The following VEPH1 variants were observed in gnomAD, a reference collection of about 807,000 sequenced individuals.
VEPH1 encodes ventricular zone-expressed PH domain-containing protein homolog 1.
A neutral mutation model predicts 85.2 loss-of-function variants in VEPH1; 80 were observed. The observed-to-expected ratio is 0.94, with a 90% CI of 0.78 to 1.13. VEPH1 has a LOEUF of 1.13. VEPH1 is among the 50% of genes most tolerant of loss of function. The pLI is 0.00. For synonymous variants in VEPH1, 297 were observed against 348.0 expected (o/e 0.85, Z 1.63); for missense variants, 955 against 980.5 (o/e 0.97, Z 0.35).
At chr3:157,347,907 C>T (rs186735592) in intron 9 of VEPH1, among the ~76,000 whole-genome samples, 4 of 152,358 alleles carry the variant, frequency 2.6e-5, no homozygotes, top group African/African-American at 9.6e-5. Context: ...CCGCTACCCA[C>T]CCTCTGTGAG....
At chr3:157,405,170 A>G (rs1731057183) in intron 6 of VEPH1, among the ~76,000 whole-genome samples, 1 of 152,148 alleles carries the variant, frequency 6.6e-6, no homozygotes, top group African/African-American at 2.4e-5. Context: ...ATGTGCAGCC[A>G]TGTTATGGGA....
intron 2 of VEPH1, among the ~76,000 whole-genome samples, chr3:157,471,071 T>C (rs1048403559): frequency 6.6e-6 from 1 of 152,180 alleles, no homozygotes; most frequent in African/African-American, 2.4e-5. Flanking sequence ...AAATACCTGA[T>C]CATCTTTACT....
chr3:157,267,448 G>A lies in VEPH1; in HGVS notation c.2129-1786C>T, dbSNP rs977859795. Among the ~76,000 whole-genome samples, 4 of 150,998 alleles carry A rather than the reference G, an allele frequency of 2.6e-5. No individual in the cohort carries two copies. The East Asian group carries it at 5.8e-4, about 22-fold the overall frequency. ...TACTATTAAGGCTATTTTTTTTTCC[G>A]GATGACTATTCAATTGGCTGTTCCA... On this transcript the variant is annotated intron_variant, in intron 12 of 13. Transcript: ENST00000362010.
intron 6 of VEPH1, among the ~76,000 whole-genome samples, chr3:157,403,635 T>C (rs1374848941): frequency 6.6e-6 from 1 of 152,158 alleles, no homozygotes; most frequent in Non-Finnish European, 1.5e-5. Flanking sequence ...AGCAGGTGTG[T>C]GATAAATATT....
Position 157,261,084 on chromosome 3 carries a change from G to T in VEPH1, c.*50C>A. The T allele has an allele frequency of 6.2e-7, 1 of 1,601,088 alleles. No homozygotes were observed. The highest frequency in any genetic ancestry group is 1.1e-5 in the South Asian group (1 of 89,368). On this transcript the variant is annotated 3_prime_UTR_variant, in exon 14 of 14. Coordinates refer to ENST00000362010, the MANE Select transcript of VEPH1 (RefSeq NM_001167912.2). The stretch of plus-strand genomic sequence containing the variant: ...AGCTCTTTTTCTTGACATTGGCAAT[G>T]ATAATACAATGCCTGTGGTGTATAA...
At chr3:157,460,064 G>T (rs1433231071) in intron 4 of VEPH1, 117 bp downstream of exon 4, 4 of 1,603,470 alleles carry the variant, frequency 2.5e-6, no homozygotes, top group South Asian at 1.1e-5. Context: ...GCAAAACAGA[G>T]AAATTAATTT....
chr3:157,422,759 A>G (rs1485615344), intron 5 of VEPH1, among the ~76,000 whole-genome samples: 4 of 152,068 alleles, frequency 2.6e-5, no homozygotes, highest in African/African-American at 9.7e-5. Context: ...TTCCTCTCAC[A>G]TCTTCAATCC....
chr3:157,476,706 C>G (rs1424964612), intron 2 of VEPH1, among the ~76,000 whole-genome samples: 1 of 152,192 alleles, frequency 6.6e-6, no homozygotes, highest in Non-Finnish European at 1.5e-5. Flanking sequence ...CCCAACAGCC[C>G]AGTCACCTCA....
intron 2 of VEPH1, among the ~76,000 whole-genome samples, chr3:157,473,754 A>G (rs1318738715): frequency 6.6e-6 from 1 of 152,148 alleles, no homozygotes; most frequent in Non-Finnish European, 1.5e-5. Context: ...TTTTTGGGTG[A>G]GAGATTTTAT....
intron 2 of VEPH1, among the ~76,000 whole-genome samples, chr3:157,483,692 T>A (rs974881742): frequency 6.6e-6 from 1 of 152,038 alleles, no homozygotes; most frequent in Non-Finnish European, 1.5e-5. Context: ...ATATAATATC[T>A]CACATAGAGA....
At chr3:157,406,993 C>CA (rs111501334) in intron 6 of VEPH1, among the ~76,000 whole-genome samples, 3,049 of 120,642 alleles carry the variant, frequency 0.025, 55 homozygotes, top group East Asian at 0.06. Flanking sequence ...GTTGGCCTCC[C>CA]AAAAAAAAAA....
chr3:157,346,047 A>G, intron 9 of VEPH1, among the ~76,000 whole-genome samples: 1 of 141,548 alleles, frequency 7.1e-6, no homozygotes. Flanking sequence ...GGGAGGGGGG[A>G]GGGATAGCAT....
At chr3:157,269,720 T>C (rs551842043) in intron 12 of VEPH1, among the ~76,000 whole-genome samples, 2 of 144,204 alleles carry the variant, frequency 1.4e-5, no homozygotes, top group Non-Finnish European at 3.0e-5. Flanking sequence ...CTATTGCCCA[T>C]AGTACGTCCT....
intron 9 of VEPH1, among the ~76,000 whole-genome samples, chr3:157,318,613 A>G (rs1346861368): frequency 8.7e-6 from 1 of 114,816 alleles, no homozygotes; most frequent in African/African-American, 3.3e-5. Flanking sequence ...TCCCAAAAAA[A>G]CAAAACAAAA....
At chr3:157,399,228 G>A (rs972786292) in intron 6 of VEPH1, among the ~76,000 whole-genome samples, 1 of 152,120 alleles carries the variant, frequency 6.6e-6, no homozygotes, top group African/African-American at 2.4e-5. Flanking sequence ...TTCTAGAAAT[G>A]TCCAAGACCC....
In VEPH1 at chr3:157,284,668, G is replaced by T. The variant is rs56362384; in HGVS notation, c.2128+1889C>A. On this transcript the variant is annotated intron_variant, in intron 12 of 13. Coordinates refer to ENST00000362010, the MANE Select transcript of VEPH1 (RefSeq NM_001167912.2). ...TATCCAGGGAGTCAAGGGTTTTGGTGAAAAAAAAAAAAAACAGTTTAAAAT... is the reference window on the plus strand; with the variant it reads ...TATCCAGGGAGTCAAGGGTTTTGGTTAAAAAAAAAAAAAACAGTTTAAAAT... Among the ~76,000 whole-genome samples the T allele has an allele frequency of 2.8e-3, 395 of 142,142 alleles. 1 individual carries two copies. Among genetic ancestry groups the T allele is most frequent in the African/African-American group, 7.9e-3 (299 of 37,830 alleles). 93.3% of individuals were successfully genotyped at this position (142,142 alleles called of 152,430 possible).
intron 6 of VEPH1, among the ~76,000 whole-genome samples, chr3:157,390,816 G>A (rs1577541133): frequency 6.6e-6 from 1 of 152,180 alleles, no homozygotes; most frequent in East Asian, 1.9e-4. Context: ...AAAGAGCTGC[G>A]ACCCTTCTGG....
At chr3:157,288,344 C>T (rs546902050) in intron 11 of VEPH1, among the ~76,000 whole-genome samples, 12 of 152,268 alleles carry the variant, frequency 7.9e-5, no homozygotes, top group South Asian at 6.2e-4. Context: ...AAGGCTGAGG[C>T]GTGTAGGCAC....
intron 11 of VEPH1, among the ~76,000 whole-genome samples, chr3:157,294,887 T>G (rs528358506): frequency 6.6e-6 from 1 of 152,320 alleles, no homozygotes; most frequent in Non-Finnish European, 1.5e-5. Context: ...CATTTTAAGA[T>G]GGGGATGAGA....
Sources: allele counts gnomAD v4.1 joint callset (sites outside exome capture counted in the v4.1 genomes callset), GRCh38; gene constraint gnomAD v4.1.1; transcripts MANE v1.5; gene names NCBI Gene and HGNC (gene_info 2026-07-23, HGNC 2026-07-21).